Variants in EDC3 observed in about 807,000 individuals in gnomAD.
EDC3 encodes the protein enhancer of mRNA-decapping protein 3.
Under a neutral mutation model 41.8 loss-of-function variants are expected in EDC3, and 20 were observed. That is an observed-to-expected ratio of 0.48 (90% CI 0.34 to 0.70). EDC3 has a LOEUF of 0.70. EDC3 is among the 30% of genes least tolerant of loss of function. The probability of loss-of-function intolerance (pLI) is 0.01; values close to 1 mark genes in which losing one functional copy is unlikely to be tolerated. For synonymous variants in EDC3, 206 were observed against 243.2 expected (o/e 0.85, Z 1.42); for missense variants, 444 against 636.8 (o/e 0.70, Z 3.26).
At chr15:74,643,297 G>A (rs1431023401) in intron 4 of EDC3, 1 of 152,136 alleles carries the variant, frequency 6.6e-6, no homozygotes, top group East Asian at 1.9e-4. Context: ...TTTATTGTTC[G>A]GGAATCAAGG....
At chr15:74,651,911 C>G (rs2062484992) in intron 4 of EDC3, among the ~76,000 whole-genome samples, 1 of 152,186 alleles carries the variant, frequency 6.6e-6, no homozygotes, top group African/African-American at 2.4e-5. Context: ...TACCTTAAAC[C>G]TGCTCAGAAC....
intron 4 of EDC3, chr15:74,642,968 T>A (rs1339655610): frequency 6.6e-6 from 1 of 152,270 alleles, no homozygotes; most frequent in Non-Finnish European, 1.5e-5. Context: ...TGTTGGTGAA[T>A]CAGCATATTT....
intron 1 of EDC3, among the ~76,000 whole-genome samples, chr15:74,678,761 G>T (rs1305700638): frequency 6.6e-6 from 1 of 151,316 alleles, no homozygotes; most frequent in East Asian, 1.9e-4. Context: ...ATGGTGGCAC[G>T]TGCCTGTAAT....
intron 5 of EDC3, chr15:74,636,634 T>C (rs891975706): frequency 3.3e-5 from 5 of 152,252 alleles, no homozygotes; most frequent in African/African-American, 9.6e-5. Flanking sequence ...AGAGCAATGA[T>C]AGTCACTTAC....
At chr15:74,666,894 G>A (rs2062682139) in intron 3 of EDC3, among the ~76,000 whole-genome samples, 4 of 152,144 alleles carry the variant, frequency 2.6e-5, no homozygotes, top group Admixed American at 2.6e-4. Context: ...AATGCAGAAT[G>A]TGATAAAACA....
At chr15:74,643,028 G>A (rs192894477) in intron 4 of EDC3, 10 of 152,296 alleles carry the variant, frequency 6.6e-5, no homozygotes, top group Admixed American at 5.9e-4. Flanking sequence ...TCAGAGTCTG[G>A]CAGTTATGGG....
Position 74,631,187 on chromosome 15 carries a change from A to C in EDC3, c.*1425T>G, listed in dbSNP as rs1056784110. 3.3e-5 allele frequency: 5 copies of C among 152,266 alleles called. No individual in the cohort carries two copies. Among genetic ancestry groups the C allele is most frequent in the Non-Finnish European group, 7.3e-5 (5 of 68,070 alleles). The allele number at this position is 152,266 out of a possible 1,614,324, so 9.4% of individuals were successfully genotyped here. On this transcript the variant is annotated 3_prime_UTR_variant, in exon 7 of 7. Transcript: ENST00000315127. Reference sequence around the variant, plus strand: ...TGGCTATGTTCCTACAAGGGAAGTGATAACAGCCTGAAACCCGTGGTACCA... The same window carrying C: ...TGGCTATGTTCCTACAAGGGAAGTGCTAACAGCCTGAAACCCGTGGTACCA...
At chr15:74,680,724 T>C (rs1246621220) in intron 1 of EDC3, among the ~76,000 whole-genome samples, 1 of 152,220 alleles carries the variant, frequency 6.6e-6, no homozygotes, top group Non-Finnish European at 1.5e-5. Context: ...CATAACTGTC[T>C]ATGTAGAAAT....
At chr15:74,635,119 T>C (rs1320110841) in intron 6 of EDC3, 2 of 616,670 alleles carry the variant, frequency 3.2e-6, no homozygotes, top group African/African-American at 3.6e-5. Flanking sequence ...CACAGAAGAA[T>C]GGATTTAAAA....
intron 1 of EDC3, among the ~76,000 whole-genome samples, chr15:74,683,139 T>A (rs2062894014): frequency 6.6e-6 from 1 of 152,234 alleles, no homozygotes; most frequent in Non-Finnish European, 1.5e-5. Flanking sequence ...CAAACAGTGG[T>A]ACATTCATAC....
chr15:74,635,328 T>C (rs1393757728), intron 6 of EDC3, 81 bp downstream of exon 6: 2 of 1,360,404 alleles, frequency 1.5e-6, no homozygotes, highest in Admixed American at 1.7e-5. Context: ...TTTCCACCTG[T>C]CGCCACTGGG....
At chr15:74,689,533 T>C (rs1242818982) in intron 1 of EDC3, among the ~76,000 whole-genome samples, 1 of 152,168 alleles carries the variant, frequency 6.6e-6, no homozygotes, top group Non-Finnish European at 1.5e-5. Context: ...TTTTTTTTTT[T>C]TCTTTTTTTG....
chr15:74,685,676 C>G (rs2062928827), intron 1 of EDC3, among the ~76,000 whole-genome samples: 1 of 151,994 alleles, frequency 6.6e-6, no homozygotes, highest in South Asian at 2.1e-4. Flanking sequence ...ATGCAAAATC[C>G]TATATAAGGT....
intron 1 of EDC3, among the ~76,000 whole-genome samples, chr15:74,681,994 G>C (rs1054422393): frequency 1.6e-4 from 24 of 152,108 alleles, no homozygotes; most frequent in Admixed American, 6.6e-4. Flanking sequence ...CAAAGACAAA[G>C]GAGTAGTATC....
chr15:74,677,783 A>G (rs529985429), intron 1 of EDC3, among the ~76,000 whole-genome samples: 1 of 152,162 alleles, frequency 6.6e-6, no homozygotes, highest in African/African-American at 2.4e-5. Context: ...TCCACCATAA[A>G]TCTGCACGTG....
chr15:74,633,033 GTCTT>G, intron 6 of EDC3, 87 bp from the exon 7 acceptor site: 5 of 1,381,436 alleles, frequency 3.6e-6, no homozygotes, highest in Non-Finnish European at 4.9e-6. Context: ...CCCCAAGGGT[GTCTT>G]TGTTTTCCAG....
chr15:74,675,003 A>G lies in EDC3; in HGVS notation c.122T>C (p.Phe41Ser). 1.2e-6 allele frequency: 2 copies of G among 1,614,200 alleles called. No individual in the cohort carries two copies. Among genetic ancestry groups the G allele is most frequent in the Non-Finnish European group, 1.7e-6 (2 of 1,180,040 alleles). Reference protein sequence around the residue: ...VSQTISLTRPFHNGVKCLVPE... With the variant: ...VSQTISLTRPSHNGVKCLVPE... ...AACAAGACACTTCACTCCATTATGG[A>G]AAGGCCGGGTGAGAGAAATGGTCTG... is the stretch of plus-strand genomic sequence containing the variant. Residue 41 changes from phenylalanine to serine, a missense_variant, in exon 2 of 7, where the codon TTC becomes TCC. This residue lies in a region of EDC3 where 200 missense variants were observed against 244.0 expected (regional missense o/e 0.82). Transcript: ENST00000315127.
rs1450507815 is a variant in EDC3, at chr15:74,631,545, A to C, written c.*1067T>G. ...TACTCATCTAGACTGGACAAATGTAAAAGGTTCAAAGCCCAGATGATGTAA... is the reference window on the plus strand; with the variant it reads ...TACTCATCTAGACTGGACAAATGTACAAGGTTCAAAGCCCAGATGATGTAA... On this transcript the variant is annotated 3_prime_UTR_variant, in exon 7 of 7. Transcript: ENST00000315127. 6.6e-6 allele frequency: 1 copy of C among 152,258 alleles called. No individual in the cohort carries two copies. Among genetic ancestry groups the C allele is most frequent in the Non-Finnish European group, 1.5e-5 (1 of 68,066 alleles). 9.4% of individuals were successfully genotyped at this position (152,258 alleles called of 1,614,324 possible).
chr15:74,647,587 T>G (rs2062432120), intron 4 of EDC3, among the ~76,000 whole-genome samples: 1 of 152,182 alleles, frequency 6.6e-6, no homozygotes, highest in Admixed American at 6.6e-5. Flanking sequence ...CTCTAAAACC[T>G]CATGAGATCA....
Sources: gnomAD v4.1 joint callset for allele counts (sites outside exome capture counted in the v4.1 genomes callset) on GRCh38, gnomAD v4.1.1 for gene constraint, gnomAD v4.1.1 regional missense constraint, MANE v1.5 for transcripts, NCBI Gene and HGNC (gene_info 2026-07-23, HGNC 2026-07-21) for gene names.